The following SEPTIN11 variants were observed in gnomAD, a reference collection of about 807,000 sequenced individuals.
SEPTIN11 encodes septin 11, also known as septin-11.
SEPTIN11 carries 25 observed loss-of-function variants against 51.4 expected under a neutral mutation model. The ratio of observed to expected loss-of-function variants is 0.49; its 90% CI spans 0.35 to 0.68. The LOEUF (loss-of-function observed/expected upper bound fraction) is 0.68, where lower values mean the gene tolerates loss of function less well. Among genes scored for constraint, SEPTIN11 ranks in the 30% least tolerant of loss-of-function variants. SEPTIN11 has a pLI of 0.00. For missense variants in SEPTIN11, 381 were observed against 520.8 expected (o/e 0.73, Z 2.61); for synonymous variants, 174 against 184.1 (o/e 0.95, Z 0.44).
In SEPTIN11 at chr4:77,024,608, C is replaced by T. The variant is rs1417132552; in HGVS notation, c.953+3938C>T. ...AGAACACCACCGTCTCCTTGCTTCA[C>T]CCCCGTTCAACTCACACGAAGCACT... On this transcript the variant is annotated intron_variant, in intron 7 of 9. Transcript: ENST00000264893. This position sits in a 1 kb window ranked among gnomAD's most constrained non-coding sequence, Gnocchi z 4.2. 6.6e-6 allele frequency among the ~76,000 whole-genome samples: 1 copy of T among 152,212 alleles called. No individual in the cohort carries two copies. Among genetic ancestry groups the T allele is most frequent in the Non-Finnish European group, 1.5e-5 (1 of 68,032 alleles).
chr4:77,023,386 A>G (rs1725881674), intron 7 of SEPTIN11, among the ~76,000 whole-genome samples: 1 of 148,058 alleles, frequency 6.8e-6, no homozygotes, highest in African/African-American at 2.5e-5. Flanking sequence ...TAATATATAC[A>G]CATATAATAT....
intron 2 of SEPTIN11, among the ~76,000 whole-genome samples, chr4:77,004,027 TTC>T (rs1225697687): frequency 1.3e-5 from 2 of 152,234 alleles, no homozygotes; most frequent in African/African-American, 4.8e-5. Flanking sequence ...TTCTACCTGC[TTC>T]TCTCCATCAT....
In SEPTIN11 at chr4:77,038,296, A is replaced by G; in HGVS notation, c.*3784A>G. ...TTTAAAATATGCTGATATGCCTTAA[A>G]CTGTAGTTGTAGATCCTTGTCATTT... On this transcript the variant is annotated 3_prime_UTR_variant, in exon 10 of 10. Transcript: ENST00000264893. 2 of 985,616 alleles carry G rather than the reference A, an allele frequency of 2.0e-6. No homozygotes were observed. Among genetic ancestry groups the G allele is most frequent in the African/African-American group, 1.7e-5 (1 of 57,354 alleles). 61.1% of individuals were successfully genotyped at this position (985,616 alleles called of 1,614,324 possible).
Position 77,005,705 on chromosome 4 carries a change from A to G in SEPTIN11, c.247A>G (p.Arg83Gly), listed in dbSNP as rs952242554. The change falls in exon 3 of 10, where the codon AGA (arginine) becomes GGA (glycine). Residue 83 changes from arginine (R) to glycine (G), a missense_variant. Coordinates refer to ENST00000264893, the MANE Select transcript of SEPTIN11 (RefSeq NM_018243.4). The stretch of plus-strand genomic sequence containing the variant: ...TGAACCAGGTGTTCGGTTAAAAGCC[A>G]GAAGTTATGAGCTTCAGGAAAGCAA... ...HNEPGVRLKA[R>G]SYELQESNVR... is the part of the protein sequence containing the mutation. 2 of 1,613,996 alleles carry G rather than the reference A, an allele frequency of 1.2e-6. No homozygotes were observed. Among genetic ancestry groups the G allele is most frequent in the Non-Finnish European group, 1.7e-6 (2 of 1,179,982 alleles).
intron 2 of SEPTIN11, among the ~76,000 whole-genome samples, chr4:77,005,345 A>G (rs1385618546): frequency 6.6e-6 from 1 of 152,242 alleles, no homozygotes; most frequent in Non-Finnish European, 1.5e-5. Flanking sequence ...TTTTCTATTC[A>G]GAGGTAAAGA....
intron 2 of SEPTIN11, among the ~76,000 whole-genome samples, chr4:77,002,150 C>A (rs897903845): frequency 1.3e-5 from 2 of 152,124 alleles, no homozygotes; most frequent in African/African-American, 2.4e-5. Context: ...GCAAAGCACA[C>A]CAAAGTTTAG....
chr4:77,034,546 C>A lies in SEPTIN11; in HGVS notation c.*34C>A. On this transcript the variant is annotated 3_prime_UTR_variant, in exon 10 of 10. Transcript: ENST00000264893. ...AAGCCAAGGATGTTCCCGCATTCAC[C>A]TGCTTTTGCAGTAATATCGTATCTC... The A allele has an allele frequency of 6.5e-7, 1 of 1,543,464 alleles. No homozygotes were observed. The highest frequency in any genetic ancestry group is 8.7e-7 in the Non-Finnish European group (1 of 1,149,936).
rs1321291933 is a variant in SEPTIN11, at chr4:77,036,372, G to A, written c.*1860G>A. On this transcript the variant is annotated 3_prime_UTR_variant, in exon 10 of 10. Transcript: ENST00000264893. The stretch of plus-strand genomic sequence containing the variant: ...AAACCATGGGCTGAATTTGCTCATA[G>A]GCTGTGCATCAGACAAAAGCTTGAA... The A allele has an allele frequency of 9.4e-7, 1 of 1,064,164 alleles. No individual in the cohort carries two copies. Among genetic ancestry groups the A allele is most frequent in the Admixed American group, 5.0e-5 (1 of 19,828 alleles). 65.9% of individuals were successfully genotyped at this position (1,064,164 alleles called of 1,614,324 possible).
chr4:76,949,859 G>A lies in SEPTIN11; in HGVS notation c.-45G>A, dbSNP rs1023304944. 17 of 1,510,038 alleles carry A rather than the reference G, an allele frequency of 1.1e-5. No individual in the cohort carries two copies. Among genetic ancestry groups the A allele is most frequent in the Non-Finnish European group, 1.5e-5 (17 of 1,133,354 alleles). The allele number at this position is 1,510,038 out of a possible 1,614,324, so 93.5% of individuals were successfully genotyped here. A position where few individuals can be genotyped will look rare whatever the true frequency, so the allele number is the denominator to read the frequency against. ...CCGAGCACTAGCAGCAGCCGGAGTC[G>A]GCGTAAAGCACCCGGGCGCAGCCGG... On this transcript the variant is annotated 5_prime_UTR_variant, in exon 1 of 10. Transcript: ENST00000264893.
intron 6 of SEPTIN11, 150 bp from the exon 7 acceptor site, chr4:77,020,352 G>A: frequency 1.1e-6 from 1 of 904,632 alleles, no homozygotes; most frequent in Non-Finnish European, 1.7e-6. Flanking sequence ...CGTCAGGAAT[G>A]TAAGGTGAAT....
chr4:77,018,061 T>C (rs920142898), intron 5 of SEPTIN11, among the ~76,000 whole-genome samples: 4 of 152,196 alleles, frequency 2.6e-5, no homozygotes, highest in African/African-American at 9.7e-5. Context: ...CTTAAAAAAG[T>C]AAAAAGAAAT....
chr4:77,019,593 CAA>C (rs1725549235), intron 6 of SEPTIN11, among the ~76,000 whole-genome samples: 1 of 152,180 alleles, frequency 6.6e-6, no homozygotes, highest in African/African-American at 2.4e-5. Context: ...TAAAAAGCAG[CAA>C]AAAGTTTCTT....
intron 1 of SEPTIN11, among the ~76,000 whole-genome samples, chr4:76,969,738 C>G (rs1385582537): frequency 6.6e-6 from 1 of 152,148 alleles, no homozygotes; most frequent in Non-Finnish European, 1.5e-5. Context: ...CAAACAGCAA[C>G]ATAGTAATGG....
In SEPTIN11 at chr4:76,993,405, C is replaced by T. The variant is rs972712356; in HGVS notation, c.28-3020C>T. Among the ~76,000 whole-genome samples, 9 of 150,996 alleles carry T rather than the reference C, an allele frequency of 6.0e-5. No individual in the cohort carries two copies. In the South Asian group the frequency reaches 8.6e-4, roughly 14 times the overall value. Reference sequence around the variant, plus strand: ...TCGTTTCCAGATGTGTTAGTGTTAACGACATGGAATATATGCAGTTCCCTG... The same window carrying T: ...TCGTTTCCAGATGTGTTAGTGTTAATGACATGGAATATATGCAGTTCCCTG... On this transcript the variant is annotated intron_variant, in intron 1 of 9. Transcript: ENST00000264893.
chr4:76,979,473 A>C (rs1474496142), intron 1 of SEPTIN11, among the ~76,000 whole-genome samples: 1 of 152,204 alleles, frequency 6.6e-6, no homozygotes, highest in Admixed American at 6.5e-5. Context: ...GAATCTGGCA[A>C]AACTGGTTTG....
chr4:76,979,142 G>A (rs1476477871), intron 1 of SEPTIN11, among the ~76,000 whole-genome samples: 1 of 152,214 alleles, frequency 6.6e-6, no homozygotes, highest in East Asian at 1.9e-4. Flanking sequence ...TTCAAAGTAA[G>A]ATGAATAAGA....
chr4:76,960,402 C>CTCAAATTTAGTT (rs1199798316), intron 1 of SEPTIN11, among the ~76,000 whole-genome samples: 1 of 152,164 alleles, frequency 6.6e-6, no homozygotes, highest in Non-Finnish European at 1.5e-5. Context: ...ATCAAATTTG[C>CTCAAATTTAGTT]TCCTTCAGAA....
chr4:76,977,693 T>C (rs146593647), intron 1 of SEPTIN11, among the ~76,000 whole-genome samples: 55 of 151,968 alleles, frequency 3.6e-4, no homozygotes, highest in African/African-American at 1.1e-3. Context: ...AAGGAGTGAG[T>C]CTGGGGATGT....
chr4:76,987,307 G>C (rs894775243), intron 1 of SEPTIN11, among the ~76,000 whole-genome samples: 9 of 152,248 alleles, frequency 5.9e-5, no homozygotes, highest in Middle Eastern at 3.4e-3. Flanking sequence ...GCTTGTGTGA[G>C]ACAATTTCCT....
Sources: gnomAD v4.1 joint callset for allele counts (sites outside exome capture counted in the v4.1 genomes callset) on GRCh38, gnomAD v4.1.1 for gene constraint, Gnocchi (gnomAD v3.1) non-coding constraint, MANE v1.5 for transcripts, NCBI Gene and HGNC (gene_info 2026-07-23, HGNC 2026-07-21) for gene names.